Variants in LIN28B observed in about 807,000 individuals in gnomAD.
LIN28B encodes protein lin-28 homolog B.
Under a neutral mutation model 21.9 loss-of-function variants are expected in LIN28B, and 5 were observed. The observed-to-expected ratio is 0.23, with a 90% CI of 0.12 to 0.48. LIN28B has a LOEUF of 0.48. Ranked by LOEUF, LIN28B falls within the 20% of genes least tolerant of loss-of-function variation. The pLI, the probability that LIN28B is intolerant of heterozygous loss-of-function variation, is 0.98. For missense variants in LIN28B, 245 were observed against 310.5 expected, an observed-to-expected ratio of 0.79 and a Z score of 1.58; for synonymous variants, 109 against 111.3, an observed-to-expected ratio of 0.98 and a Z score of 0.13.
intron 2 of LIN28B, among the ~76,000 whole-genome samples, chr6:104,971,513 G>A (rs940756982): frequency 6.6e-6 from 1 of 152,066 alleles, no homozygotes; most frequent in Admixed American, 6.6e-5. Flanking sequence ...GTAGTGTTTT[G>A]TGGTAAGTTT....
chr6:105,006,964 T>C (rs918108315), intron 2 of LIN28B, among the ~76,000 whole-genome samples: 3 of 152,238 alleles, frequency 2.0e-5, no homozygotes, highest in African/African-American at 7.2e-5. Flanking sequence ...GTGACCAGAA[T>C]ATTTGTAACA....
intron 2 of LIN28B, among the ~76,000 whole-genome samples, chr6:104,970,361 G>C (rs1322837687): frequency 6.6e-6 from 1 of 152,124 alleles, no homozygotes; most frequent in Non-Finnish European, 1.5e-5. Context: ...AGAAAGGAAA[G>C]GAAAGAAAAC....
rs143034289 is a variant in LIN28B, at chr6:104,976,921, A to G, written c.198+18635A>G. Among the ~76,000 whole-genome samples the G allele has an allele frequency of 6.3e-3, 961 of 152,314 alleles. 3 individuals carry two copies. Among genetic ancestry groups the G allele is most frequent in the Non-Finnish European group, 9.7e-3 (663 of 68,028 alleles). ...AACATTGCTATTGGTGAATTTATTTAAAGTATTCACTCTCTCAGAAGTTGC... is the reference window on the plus strand; with the variant it reads ...AACATTGCTATTGGTGAATTTATTTGAAGTATTCACTCTCTCAGAAGTTGC... On this transcript the variant is annotated intron_variant, in intron 2 of 3. Coordinates refer to ENST00000345080, the MANE Select transcript of LIN28B (RefSeq NM_001004317.4).
At chr6:104,960,465 G>T (rs938310576) in intron 2 of LIN28B, among the ~76,000 whole-genome samples, 1 of 152,010 alleles carries the variant, frequency 6.6e-6, no homozygotes, top group South Asian at 2.1e-4. Context: ...CAGGTTTTAT[G>T]TCTATGTACT....
intron 3 of LIN28B, among the ~76,000 whole-genome samples, chr6:105,038,245 T>C (rs553669369): frequency 2.1e-4 from 32 of 152,256 alleles, no homozygotes; most frequent in African/African-American, 5.8e-4. Flanking sequence ...AGTCAGTGTT[T>C]TAGAGAAATA....
chr6:105,009,582 T>C (rs571726378), intron 2 of LIN28B, among the ~76,000 whole-genome samples: 1 of 152,334 alleles, frequency 6.6e-6, no homozygotes, highest in Non-Finnish European at 1.5e-5. Flanking sequence ...AGACACACTT[T>C]TGTTGATTCA....
intron 3 of LIN28B, among the ~76,000 whole-genome samples, chr6:105,027,307 G>A (rs1290965047): frequency 6.6e-6 from 1 of 152,094 alleles, no homozygotes; most frequent in African/African-American, 2.4e-5. Flanking sequence ...ACAGCTCATT[G>A]AATGTTGTCT....
Position 104,989,251 on chromosome 6 carries a change from A to C in LIN28B, c.198+30965A>C, listed in dbSNP as rs548909623. Among the ~76,000 whole-genome samples, 18 of 152,082 alleles carry C rather than the reference A, an allele frequency of 1.2e-4. No homozygotes were observed. The East Asian group carries it at 3.5e-3, about 29-fold the overall frequency. On this transcript the variant is annotated intron_variant, in intron 2 of 3. Transcript: ENST00000345080. ...TTTTATTTTTGCTTTTTTGAGACAGAGTATCTCTCTGTCAGAGTAGGGCAG... is the reference window on the plus strand; with the variant it reads ...TTTTATTTTTGCTTTTTTGAGACAGCGTATCTCTCTGTCAGAGTAGGGCAG...
rs889828865 is a variant in LIN28B at position 105,082,684 on chromosome 6, T to G, written c.*3901T>G. The stretch of plus-strand genomic sequence containing the variant: ...TGTCAACAGCCTCTTTAAGATGTGG[T>G]GGTTGTATGATCTGTGTCTTAATTG... On this transcript the variant is annotated 3_prime_UTR_variant, in exon 4 of 4. Coordinates refer to ENST00000345080, the MANE Select transcript of LIN28B (RefSeq NM_001004317.4). 2.6e-5 allele frequency: 4 copies of G among 152,642 alleles called. No homozygotes were observed. The highest frequency in any genetic ancestry group is 9.6e-5 in the African/African-American group (4 of 41,454). The allele number at this position is 152,642 out of a possible 1,614,324, so 9.5% of individuals were successfully genotyped here.
At chr6:104,963,357 A>G (rs1451545068) in intron 2 of LIN28B, among the ~76,000 whole-genome samples, 1 of 152,178 alleles carries the variant, frequency 6.6e-6, no homozygotes, top group Non-Finnish European at 1.5e-5. Context: ...GGCATTTATT[A>G]TAAAACAAAA....
At chr6:104,945,690 G>C (rs1392433623) in intron 2 of LIN28B, among the ~76,000 whole-genome samples, 3 of 152,010 alleles carry the variant, frequency 2.0e-5, no homozygotes, top group Non-Finnish European at 4.4e-5. Context: ...TGGGCTGTGA[G>C]CTCGATTACA....
intron 2 of LIN28B, among the ~76,000 whole-genome samples, chr6:105,014,317 T>TA (rs1368964973): frequency 2.0e-5 from 3 of 152,160 alleles, no homozygotes; most frequent in Non-Finnish European, 2.9e-5. Context: ...CTAGCCAATT[T>TA]AAAAAATATT....
chr6:105,025,422 A>C (rs1244489510), intron 2 of LIN28B, among the ~76,000 whole-genome samples: 1 of 152,188 alleles, frequency 6.6e-6, no homozygotes, highest in Admixed American at 6.6e-5. Context: ...ACAATTTTGT[A>C]ATTGGTGAAC....
chr6:105,041,873 A>G (rs536573152), intron 3 of LIN28B, among the ~76,000 whole-genome samples: 1 of 152,136 alleles, frequency 6.6e-6, no homozygotes, highest in African/African-American at 2.4e-5. Flanking sequence ...TGTAAGTTTG[A>G]GATCCCTTGG....
intron 2 of LIN28B, chr6:104,939,194 A>G (rs901177850): frequency 3.3e-5 from 5 of 152,360 alleles, no homozygotes; most frequent in African/African-American, 1.2e-4. Flanking sequence ...CTAGTAATCA[A>G]TGTCCACATC....
At position 105,078,414 on chromosome 6, in the gene LIN28B, A is replaced by G. The variant is rs1381916811; in HGVS notation, c.384A>G (p.Arg128=). 16 of 1,587,448 alleles carry G rather than the reference A, an allele frequency of 1.0e-5. 1 individual carries two copies. The Middle Eastern group carries it at 1.2e-3, about 116-fold the overall frequency. ...TLQKRKPKGD[R]CYNCGGLDHH... ...ATGTTTTCATCTTTTTTCCTTGTAG[A>G]TGCTACAACTGTGGTGGCCTTGATC... The change falls in exon 4 of 4, where the codon AGA becomes AGG. Residue 128 remains arginine (R), a splice_region_variant and synonymous_variant. Transcript: ENST00000345080.
chr6:105,051,077 A>G (rs1334152832), intron 3 of LIN28B, among the ~76,000 whole-genome samples: 2 of 151,360 alleles, frequency 1.3e-5, no homozygotes, highest in East Asian at 1.9e-4. Flanking sequence ...AAGAAATGGT[A>G]TATAGGATTC....
chr6:104,989,031 C>T (rs929244900), intron 2 of LIN28B, among the ~76,000 whole-genome samples: 1 of 152,114 alleles, frequency 6.6e-6, no homozygotes, highest in Non-Finnish European at 1.5e-5. Context: ...GATCTGCAGT[C>T]GTGTTCCTGC....
intron 2 of LIN28B, among the ~76,000 whole-genome samples, chr6:104,975,952 G>C (rs1190829): frequency 0.018 from 2,719 of 151,026 alleles, 92 homozygotes; most frequent in African/African-American, 0.063. Flanking sequence ...AAAGTGCTGA[G>C]ATTACAGGCA....
Sources: allele counts gnomAD v4.1 joint callset (sites outside exome capture counted in the v4.1 genomes callset), GRCh38; gene constraint gnomAD v4.1.1; transcripts MANE v1.5; gene names NCBI Gene and HGNC (gene_info 2026-07-23, HGNC 2026-07-21).